Variants in ATRNL1 observed in about 807,000 individuals in gnomAD.
ATRNL1 encodes the protein attractin like 1.
Under a neutral mutation model 182.7 loss-of-function variants are expected in ATRNL1, and 95 were observed. That is an observed-to-expected ratio of 0.52 (90% CI 0.44 to 0.62). The LOEUF is 0.62. Among genes scored for constraint, ATRNL1 ranks in the 20% least tolerant of loss-of-function variants. The probability of loss-of-function intolerance (pLI) is 0.00; values close to 1 mark genes in which losing one functional copy is unlikely to be tolerated. For synonymous variants in ATRNL1, 576 were observed against 568.3 expected, an observed-to-expected ratio of 1.01 and a Z score of -0.19; for missense variants, 1,471 against 1,679.5, an observed-to-expected ratio of 0.88 and a Z score of 2.17.
chr10:115,650,362 C>T (rs1555034004), intron 26 of ATRNL1, among the ~76,000 whole-genome samples: 1 of 111,296 alleles, frequency 9.0e-6, no homozygotes, highest in Admixed American at 1.1e-4. Context: ...CATTGTTTAT[C>T]TTATATTGTT....
chr10:115,622,614 T>A (rs1857838665), intron 26 of ATRNL1, among the ~76,000 whole-genome samples: 1 of 152,092 alleles, frequency 6.6e-6, no homozygotes, highest in Non-Finnish European at 1.5e-5. Flanking sequence ...ACTGATGTAG[T>A]TGTATTAATA....
intron 26 of ATRNL1, among the ~76,000 whole-genome samples, chr10:115,570,138 T>G (rs1555003051): frequency 6.6e-6 from 1 of 152,104 alleles, no homozygotes; most frequent in Non-Finnish European, 1.5e-5. Flanking sequence ...ATTTTTGTAT[T>G]TTTTTAGTAG....
chr10:115,313,521 T>C (rs1854140930), intron 17 of ATRNL1, among the ~76,000 whole-genome samples: 1 of 152,172 alleles, frequency 6.6e-6, no homozygotes, highest in Non-Finnish European at 1.5e-5. Flanking sequence ...GGCAGAGGTA[T>C]CATGAAGCTT....
At chr10:115,483,807 A>G (rs1376535152) in intron 24 of ATRNL1, among the ~76,000 whole-genome samples, 1 of 151,618 alleles carries the variant, frequency 6.6e-6, no homozygotes, top group East Asian at 1.9e-4. Context: ...AATGTTTTTG[A>G]TAGAGTCTAC....
chr10:115,909,526 C>G (rs1157670616), intron 28 of ATRNL1: 4 of 151,538 alleles, frequency 2.6e-5, no homozygotes, highest in Non-Finnish European at 5.9e-5. Flanking sequence ...CCTCCCCAAA[C>G]CAGATCTGCT....
intron 24 of ATRNL1, among the ~76,000 whole-genome samples, chr10:115,516,784 A>G (rs1850661185): frequency 6.6e-6 from 1 of 151,896 alleles, no homozygotes; most frequent in Non-Finnish European, 1.5e-5. Context: ...ACCAACAGAT[A>G]TTTGTGTGTT....
chr10:115,721,712 C>G (rs1366054993), intron 26 of ATRNL1, among the ~76,000 whole-genome samples: 3 of 152,188 alleles, frequency 2.0e-5, no homozygotes, highest in Non-Finnish European at 2.9e-5. Context: ...AGATACAATT[C>G]AAGTTGAGAT....
At chr10:115,669,183 T>G (rs1238145797) in intron 26 of ATRNL1, among the ~76,000 whole-genome samples, 1 of 152,136 alleles carries the variant, frequency 6.6e-6, no homozygotes, top group Admixed American at 6.6e-5. Context: ...TAAGAAAACA[T>G]TTATACTAAA....
At chr10:115,926,605 A>G (rs1383185544) in intron 28 of ATRNL1, among the ~76,000 whole-genome samples, 2 of 152,192 alleles carry the variant, frequency 1.3e-5, no homozygotes, top group African/African-American at 4.8e-5. Flanking sequence ...AGACATACAA[A>G]CTACCATCAG....
At position 115,693,018 on chromosome 10, in the gene ATRNL1, T is replaced by A. The variant is rs546139998; in HGVS notation, c.3796-34230T>A. On this transcript the variant is annotated intron_variant, in intron 26 of 28. Coordinates refer to ENST00000355044, the MANE Select transcript of ATRNL1 (RefSeq NM_207303.4). Reference sequence around the variant, plus strand: ...GGCACTGAGTAAGATCATTGATCACTGATATTTGACATATTTATGTACTGA... The same window carrying A: ...GGCACTGAGTAAGATCATTGATCACAGATATTTGACATATTTATGTACTGA... Among the ~76,000 whole-genome samples, 6 of 152,244 alleles carry A rather than the reference T, an allele frequency of 3.9e-5. No homozygotes were observed. The South Asian group carries it at 1.2e-3, about 32-fold the overall frequency.
intron 5 of ATRNL1, among the ~76,000 whole-genome samples, chr10:115,155,491 A>G (rs1846468518): frequency 6.6e-6 from 1 of 152,116 alleles, no homozygotes. Context: ...GAAGCTCCAC[A>G]ATTAAACTGA....
intron 5 of ATRNL1, among the ~76,000 whole-genome samples, chr10:115,140,685 A>G (rs1262439745): frequency 6.6e-6 from 1 of 152,128 alleles, no homozygotes; most frequent in Non-Finnish European, 1.5e-5. Flanking sequence ...TCTTCAGGAC[A>G]TTTTTATGTT....
intron 25 of ATRNL1, among the ~76,000 whole-genome samples, chr10:115,536,137 G>A (rs987800162): frequency 3.3e-5 from 5 of 152,102 alleles, no homozygotes; most frequent in South Asian, 2.1e-4. Flanking sequence ...TGCTCTCTTC[G>A]AAGCTGTCAG....
chr10:115,402,138 C>A (rs1362845075), intron 20 of ATRNL1, among the ~76,000 whole-genome samples: 1 of 152,050 alleles, frequency 6.6e-6, no homozygotes, highest in Non-Finnish European at 1.5e-5. Context: ...TTTCAATTTA[C>A]ATGATAGTTG....
At chr10:115,785,367 C>A (rs1949370472) in intron 27 of ATRNL1, among the ~76,000 whole-genome samples, 1 of 152,174 alleles carries the variant, frequency 6.6e-6, no homozygotes, top group African/African-American at 2.4e-5. Flanking sequence ...GCATCCCCAC[C>A]CTCTATGGCC....
At chr10:115,876,580 C>A (rs1393369475) in intron 28 of ATRNL1, among the ~76,000 whole-genome samples, 2 of 151,998 alleles carry the variant, frequency 1.3e-5, no homozygotes, top group Non-Finnish European at 1.5e-5. Flanking sequence ...AGTGAAATCT[C>A]CAGATTGGGA....
intron 24 of ATRNL1, among the ~76,000 whole-genome samples, chr10:115,510,365 T>C (rs1554982358): frequency 6.6e-6 from 1 of 152,068 alleles, no homozygotes; most frequent in Admixed American, 6.6e-5. Context: ...TCAGTCATTG[T>C]GGCAAATATC....
intron 13 of ATRNL1, among the ~76,000 whole-genome samples, chr10:115,274,516 A>T (rs1419953947): frequency 1.3e-5 from 2 of 152,180 alleles, no homozygotes; most frequent in African/African-American, 4.8e-5. Context: ...AGATGAATTT[A>T]TTTCCCAACC....
chr10:115,204,021 A>G (rs1848704977), intron 8 of ATRNL1, among the ~76,000 whole-genome samples: 1 of 151,878 alleles, frequency 6.6e-6, no homozygotes, highest in African/African-American at 2.4e-5. Flanking sequence ...TGGAGATATA[A>G]TCCTTGCTTA....
Sources: allele counts gnomAD v4.1 joint callset (sites outside exome capture counted in the v4.1 genomes callset), GRCh38; gene constraint gnomAD v4.1.1; transcripts MANE v1.5; gene names NCBI Gene and HGNC (gene_info 2026-07-23, HGNC 2026-07-21).